The following HYKK variants were observed in gnomAD, a reference collection of about 807,000 sequenced individuals.
The protein encoded by HYKK is hydroxylysine kinase.
A neutral mutation model predicts 29.7 loss-of-function variants in HYKK; 19 were observed. The ratio of observed to expected loss-of-function variants is 0.64; its 90% CI spans 0.45 to 0.94. The LOEUF is 0.94. Among genes scored for constraint, HYKK ranks in the 40% least tolerant of loss-of-function variants. The probability of loss-of-function intolerance (pLI) is 0.00; values close to 1 mark genes in which losing one functional copy is unlikely to be tolerated. For missense variants in HYKK, 390 were observed against 443.4 expected (o/e 0.88, Z 1.08); for synonymous variants, 152 against 158.1 (o/e 0.96, Z 0.29).
chr15:78,528,819 A>G, intron 4 of HYKK: 1 of 982,090 alleles, frequency 1.0e-6, no homozygotes, highest in Non-Finnish European at 1.2e-6. Flanking sequence ...AAAAAGGGCA[A>G]GGAACTGAAG....
intron 1 of HYKK, among the ~76,000 whole-genome samples, chr15:78,512,225 T>A (rs1333815800): frequency 6.6e-6 from 1 of 152,068 alleles, no homozygotes. Context: ...ATTTTTCTAT[T>A]TGAAATATGT....
chr15:78,527,610 C>A (rs1485679266), intron 4 of HYKK, 47 bp downstream of exon 4: 1 of 1,598,044 alleles, frequency 6.3e-7, no homozygotes. Context: ...TTAAACTGTC[C>A]AATTTCATAT....
In HYKK at chr15:78,533,905, A is replaced by G. The variant is rs780558561; in HGVS notation, c.*235A>G. ...TATTTTTCTGTGAGTCTTACTTGCCATATCTATAAAACACATATAATGATA... is the reference window on the plus strand; with the variant it reads ...TATTTTTCTGTGAGTCTTACTTGCCGTATCTATAAAACACATATAATGATA... On this transcript the variant is annotated 3_prime_UTR_variant, in exon 5 of 5. Transcript: ENST00000388988. The G allele has an allele frequency of 1.5e-5, 8 of 539,950 alleles. No individual in the cohort carries two copies. The highest frequency in any genetic ancestry group is 5.7e-5 in the African/African-American group (3 of 52,766). 33.4% of individuals were successfully genotyped at this position (539,950 alleles called of 1,614,324 possible). A position where few individuals can be genotyped will look rare whatever the true frequency, so the allele number is the denominator to read the frequency against.
At chr15:78,530,997 G>A (rs535731867) in intron 4 of HYKK, among the ~76,000 whole-genome samples, 8 of 151,970 alleles carry the variant, frequency 5.3e-5, no homozygotes, top group Non-Finnish European at 8.8e-5. Context: ...AGCCTCCCTA[G>A]TAGCTGAAAT....
At chr15:78,530,121 C>T (rs771392781) in intron 4 of HYKK, among the ~76,000 whole-genome samples, 3 of 152,132 alleles carry the variant, frequency 2.0e-5, no homozygotes, top group Middle Eastern at 3.4e-3. Flanking sequence ...CATGAGCAAC[C>T]GCACCAGGCC....
rs947616245 is a variant in HYKK, at chr15:78,521,460, C to T, written c.478-5920C>T. Among the ~76,000 whole-genome samples, 13 of 151,704 alleles carry T rather than the reference C, an allele frequency of 8.6e-5. No individual in the cohort carries two copies. In the East Asian group the frequency reaches 1.8e-3, roughly 21 times the overall value. ...TATTCGATTGGTGCAAAAGTAATTG[C>T]GGGTTTGCCATTACTTTTAATTGCA... On this transcript the variant is annotated intron_variant, in intron 3 of 4. Transcript: ENST00000388988.
chr15:78,533,859 C>A lies in HYKK; in HGVS notation c.*189C>A. 1 of 579,190 alleles carries A rather than the reference C, an allele frequency of 1.7e-6. No homozygotes were observed. Among genetic ancestry groups the A allele is most frequent in the Non-Finnish European group, 3.0e-6 (1 of 328,952 alleles). The allele number at this position is 579,190 out of a possible 1,614,324, so 35.9% of individuals were successfully genotyped here. On this transcript the variant is annotated 3_prime_UTR_variant, in exon 5 of 5. Transcript: ENST00000388988. ...TCTCGTGACAATTTTTTAAAATTCACAAAAGTACCACAAGCAAGCATATTT... is the reference window on the plus strand; with the variant it reads ...TCTCGTGACAATTTTTTAAAATTCAAAAAAGTACCACAAGCAAGCATATTT...
At chr15:78,523,423 C>T (rs551617916) in intron 3 of HYKK, among the ~76,000 whole-genome samples, 4 of 152,266 alleles carry the variant, frequency 2.6e-5, no homozygotes, top group African/African-American at 9.6e-5. Flanking sequence ...GAAACCACCC[C>T]CATGATCCAA....
At chr15:78,511,359 G>A (rs2052070980) in intron 1 of HYKK, among the ~76,000 whole-genome samples, 1 of 152,044 alleles carries the variant, frequency 6.6e-6, no homozygotes, top group South Asian at 2.1e-4. Flanking sequence ...CCAGGTGTGG[G>A]TAGCAGAGGG....
intron 3 of HYKK, among the ~76,000 whole-genome samples, chr15:78,526,014 GT>G (rs753607941): frequency 1.3e-5 from 2 of 152,196 alleles, no homozygotes; most frequent in African/African-American, 2.4e-5. Flanking sequence ...GGTCTCAACT[GT>G]GGGTCACAAG....
At chr15:78,520,054 C>T (rs2052176053) in intron 3 of HYKK, among the ~76,000 whole-genome samples, 2 of 152,164 alleles carry the variant, frequency 1.3e-5, no homozygotes, top group South Asian at 4.1e-4. Flanking sequence ...TGCATTTAGG[C>T]ACCTGCTGCT....
intron 1 of HYKK, 100 bp from the exon 2 acceptor site, chr15:78,512,984 G>A: frequency 1.5e-6 from 1 of 660,208 alleles, no homozygotes; most frequent in Middle Eastern, 4.2e-4. Context: ...AAGAAGTACA[G>A]AATCAACAGA....
At chr15:78,517,074 AG>A (rs71148533) in intron 3 of HYKK, among the ~76,000 whole-genome samples, 144,019 of 144,308 alleles carry the variant, frequency 1, 71,868 homozygotes, top group Middle Eastern at 1. Context: ...TGCTTGCATC[AG>A]GTCCTTTTCT....
intron 3 of HYKK, among the ~76,000 whole-genome samples, chr15:78,515,908 A>G (rs1166999078): frequency 5.3e-5 from 8 of 152,156 alleles, no homozygotes; most frequent in Admixed American, 5.2e-4. Flanking sequence ...TTTTAAATTA[A>G]AAAATAAATA....
chr15:78,527,734 T>C (rs2052270139), intron 4 of HYKK, 171 bp downstream of exon 4: 1 of 1,381,536 alleles, frequency 7.2e-7, no homozygotes. Context: ...AATTGCTACA[T>C]TTGAAGCCTC....
intron 1 of HYKK, among the ~76,000 whole-genome samples, chr15:78,508,880 C>CAAAAAAAAAAAAAAAAAAA (rs71148531): frequency 7.2e-5 from 4 of 55,614 alleles, no homozygotes; most frequent in African/African-American, 1.5e-4. Flanking sequence ...CCTCTCTCTC[C>CAAAAAAAAAAAAAAAAAAA]AAAAAAAAAA....
At chr15:78,530,860 TTTTTTGTTTGTTTG>T (rs994752980) in intron 4 of HYKK, among the ~76,000 whole-genome samples, 5 of 151,884 alleles carry the variant, frequency 3.3e-5, no homozygotes, top group African/African-American at 1.2e-4. Context: ...TGTTTTGGTT[TTTTTTGTTTGTTTG>T]TTTTTGTTTT....
chr15:78,511,797 C>T (rs1445855310), intron 1 of HYKK, among the ~76,000 whole-genome samples: 5 of 152,000 alleles, frequency 3.3e-5, no homozygotes, highest in Non-Finnish European at 7.4e-5. Context: ...CTTTGGGAGG[C>T]GTAAGTGGGA....
chr15:78,533,831 C>A lies in HYKK; in HGVS notation c.*161C>A. The A allele has an allele frequency of 8.3e-6, 5 of 605,210 alleles. No homozygotes were observed. Among genetic ancestry groups the A allele is most frequent in the South Asian group, 2.1e-5 (1 of 47,142 alleles). The allele number at this position is 605,210 out of a possible 1,614,324, so 37.5% of individuals were successfully genotyped here. On this transcript the variant is annotated 3_prime_UTR_variant, in exon 5 of 5. Coordinates refer to ENST00000388988, the MANE Select transcript of HYKK (RefSeq NM_001013619.4). The stretch of plus-strand genomic sequence containing the variant: ...ACATGAAATCCCTAAGGTCTTCAAG[C>A]AATCTCGTGACAATTTTTTAAAATT...
Sources: gnomAD v4.1 joint callset for allele counts (sites outside exome capture counted in the v4.1 genomes callset) on GRCh38, gnomAD v4.1.1 for gene constraint, MANE v1.5 for transcripts, NCBI Gene and HGNC (gene_info 2026-07-23, HGNC 2026-07-21) for gene names.